The following PPP1R9B variants were observed in gnomAD, a reference collection of about 807,000 sequenced individuals.
PPP1R9B encodes neurabin-2.
Under a neutral mutation model 75.8 loss-of-function variants are expected in PPP1R9B, and 17 were observed. The ratio of observed to expected loss-of-function variants is 0.22; its 90% CI spans 0.15 to 0.34. PPP1R9B has a LOEUF of 0.34. Among genes scored for constraint, PPP1R9B ranks in the 10% least tolerant of loss-of-function variants. The pLI is 1.00. For synonymous variants in PPP1R9B, 509 were observed against 535.4 expected (o/e 0.95, Z 0.68); for missense variants, 875 against 1,196.0 (o/e 0.73, Z 3.96).
Position 50,149,573 on chromosome 17 carries a change from G to A in PPP1R9B, c.941C>T (p.Ala314Val). The change falls in exon 1 of 10, where the codon GCG becomes GTG. Residue 314 changes from alanine to valine, a missense_variant. Around this residue, in one of 4 missense-constraint regions of PPP1R9B, gnomAD observed 449 missense variants for 475.0 expected, o/e 0.95. Transcript: ENST00000612501. This position sits in a 1 kb window ranked among gnomAD's most constrained non-coding sequence, Gnocchi z 7.2. Reference protein sequence around the residue: ...EESGESEAESAPGEVIQAEVT... With the variant: ...EESGESEAESVPGEVIQAEVT... ...CTCGGCCTGGATCACCTCCCCGGGC[G>A]CCGACTCGGCCTCCGACTCCCCGCT... The A allele has an allele frequency of 3.8e-6, 6 of 1,577,962 alleles. No individual in the cohort carries two copies. Among genetic ancestry groups the A allele is most frequent in the East Asian group, 2.4e-5 (1 of 42,482 alleles).
At position 50,147,879 on chromosome 17, in the gene PPP1R9B, G is replaced by A. The variant is rs1032375585; in HGVS notation, c.1371+1264C>T. Among the ~76,000 whole-genome samples the A allele has an allele frequency of 7.7e-4, 118 of 152,270 alleles. 1 individual carries two copies. The highest frequency in any genetic ancestry group is 3.7e-4 in the Non-Finnish European group (25 of 68,016). The stretch of plus-strand genomic sequence containing the variant: ...AGGGGCAGAGGCTGACATTCTGGGC[G>A]AGTGAGAGGAAAGTTGGGAAGCTTC... On this transcript the variant is annotated intron_variant, in intron 1 of 9. Coordinates refer to ENST00000612501, the MANE Select transcript of PPP1R9B (RefSeq NM_032595.5).
Position 50,135,072 on chromosome 17 carries a change from C to T in PPP1R9B, c.*259G>A. On this transcript the variant is annotated 3_prime_UTR_variant, in exon 10 of 10. Coordinates refer to ENST00000612501, the MANE Select transcript of PPP1R9B (RefSeq NM_032595.5). Reference sequence around the variant, plus strand: ...CGACCACCAGGCCAGCCCTCGGCAGCCCTCGGCCTCTGTGCCTCAGCCCCA... The same window carrying T: ...CGACCACCAGGCCAGCCCTCGGCAGTCCTCGGCCTCTGTGCCTCAGCCCCA... 1.8e-6 allele frequency: 1 copy of T among 554,752 alleles called. No individual in the cohort carries two copies. Among genetic ancestry groups the T allele is most frequent in the South Asian group, 2.1e-5 (1 of 47,102 alleles). 34.4% of individuals were successfully genotyped at this position (554,752 alleles called of 1,614,324 possible).
chr17:50,135,723 C>T (rs1483794034), intron 8 of PPP1R9B, 74 bp from the exon 9 acceptor site: 2 of 1,317,628 alleles, frequency 1.5e-6, no homozygotes, highest in African/African-American at 2.9e-5. Flanking sequence ...CCCAGGTCCT[C>T]AGCTTTACCT....
At position 50,149,595 on chromosome 17, in the gene PPP1R9B, C is replaced by T; in HGVS notation, c.919G>A (p.Gly307Arg). 1.3e-6 allele frequency: 2 copies of T among 1,567,904 alleles called. No individual in the cohort carries two copies. The highest frequency in any genetic ancestry group is 1.7e-6 in the Non-Finnish European group (2 of 1,161,866). ...GGCGCCGACTCGGCCTCCGACTCCC[C>T]GCTCTCCTCCACCTCCACCGGCTTA... ...KIKPVEVEES[G>R]ESEAESAPGE... Residue 307 changes from glycine (G) to arginine (R), a missense_variant, in exon 1 of 10, where the codon GGG becomes AGG. Transcript: ENST00000612501. This position sits in a 1 kb window ranked among gnomAD's most constrained non-coding sequence, Gnocchi z 7.2.
chr17:50,140,284 T>C (rs1381085808), intron 4 of PPP1R9B, 56 bp from the exon 5 acceptor site: 3 of 1,541,668 alleles, frequency 1.9e-6, no homozygotes, highest in Non-Finnish European at 1.8e-6. Context: ...TAATGCATCA[T>C]CCTCCCTGCT....
chr17:50,149,435 G>T lies in PPP1R9B; in HGVS notation c.1079C>A (p.Ala360Glu), dbSNP rs1164668262. The change falls in exon 1 of 10, where the codon GCG becomes GAG. Residue 360 changes from alanine (A) to glutamate (E), a missense_variant. Physicochemically the swap from Ala to Glu is moderately radical, Grantham distance 107 (BLOSUM62 -1). Transcript: ENST00000612501. This position sits in a 1 kb window ranked among gnomAD's most constrained non-coding sequence, Gnocchi z 7.2. ...ATTGCCCACCCCCCTCTCTGGCGGC[G>T]CTACCGCCGCCGCCTCCTTCTCCGG... ...AAPEKEAAAV[A>E]PPERGVGNGR... is the part of the protein sequence containing the mutation. The T allele has an allele frequency of 2.5e-6, 4 of 1,606,546 alleles. No individual in the cohort carries two copies. The highest frequency in any genetic ancestry group is 2.5e-6 in the Non-Finnish European group (3 of 1,177,498).
Position 50,145,216 on chromosome 17 carries a change from G to A in PPP1R9B, c.1401C>T (p.Tyr467=), listed in dbSNP as rs986771916. The A allele has an allele frequency of 2.1e-5, 34 of 1,613,776 alleles. No homozygotes were observed. Among genetic ancestry groups the A allele is most frequent in the African/African-American group, 5.3e-5 (4 of 74,940 alleles). Residue 467 remains tyrosine (Y), a synonymous_variant, in exon 2 of 10, where the codon TAC becomes TAT. Coordinates refer to ENST00000612501, the MANE Select transcript of PPP1R9B (RefSeq NM_032595.5). Reference sequence around the variant, plus strand: ...GATCCACATCCTCGTTGCGACGATCGTAATCCTCGTTGGAGTAAGTGCTGA... The same window carrying A: ...GATCCACATCCTCGTTGCGACGATCATAATCCTCGTTGGAGTAAGTGCTGA... ...QVFSTYSNED[Y]DRRNEDVDPM... is the part of the protein sequence containing the mutation.
At position 50,139,341 on chromosome 17, in the gene PPP1R9B, C is replaced by T; in HGVS notation, c.2020-25G>A. ...GCTGTTGGGCAGAGGGGCAGGCACT[C>T]AGCTCCAGCAGGGTGGGGCAGGCAG... On this transcript the variant is annotated intron_variant, in intron 6 of 9. Transcript: ENST00000612501. The surrounding 1 kb of genome is among the most constrained non-coding windows in gnomAD (Gnocchi z 5.0). 4 of 1,614,014 alleles carry T rather than the reference C, an allele frequency of 2.5e-6. No individual in the cohort carries two copies. Among genetic ancestry groups the T allele is most frequent in the Non-Finnish European group, 3.4e-6 (4 of 1,179,890 alleles).
At position 50,139,208 on chromosome 17, in the gene PPP1R9B, T is replaced by C; in HGVS notation, c.2073+55A>G. The C allele has an allele frequency of 6.3e-7, 1 of 1,598,416 alleles. No homozygotes were observed. The highest frequency in any genetic ancestry group is 2.2e-5 in the East Asian group (1 of 44,802). On this transcript the variant is annotated intron_variant, in intron 7 of 9. Transcript: ENST00000612501. The surrounding 1 kb of genome is among the most constrained non-coding windows in gnomAD (Gnocchi z 5.0). Reference sequence around the variant, plus strand: ...TGCAGGTGTGAGGGTAGGGGGACCCTGCTCCTCAACACACACATGCACGCA... The same window carrying C: ...TGCAGGTGTGAGGGTAGGGGGACCCCGCTCCTCAACACACACATGCACGCA...
In PPP1R9B at chr17:50,134,148, G is replaced by C. The variant is rs890199384; in HGVS notation, c.*1183C>G. On this transcript the variant is annotated 3_prime_UTR_variant, in exon 10 of 10. Coordinates refer to ENST00000612501, the MANE Select transcript of PPP1R9B (RefSeq NM_032595.5). ...TGGCAAAATGAGATGGATTTTGAAA[G>C]GGGAGGGGACCTGGGGGAGGTGGTC... is the stretch of plus-strand genomic sequence containing the variant. The C allele has an allele frequency of 1.3e-5, 2 of 152,600 alleles. No homozygotes were observed. Among genetic ancestry groups the C allele is most frequent in the Non-Finnish European group, 2.9e-5 (2 of 68,028 alleles). 9.5% of individuals were successfully genotyped at this position (152,600 alleles called of 1,614,324 possible). A position where few individuals can be genotyped will look rare whatever the true frequency, so the allele number is the denominator to read the frequency against.
intron 2 of PPP1R9B, 43 bp downstream of exon 2, chr17:50,145,070 A>C: frequency 6.2e-7 from 1 of 1,606,802 alleles, no homozygotes; most frequent in Non-Finnish European, 8.5e-7. Context: ...GACCCGGGTC[A>C]ACCCCAGCTG....
In PPP1R9B at chr17:50,139,044, TGAG is replaced by T. The variant is rs1912301731; in HGVS notation, c.2073+216_2073+218del. ...TGCTATTACGACCTCATTTTATAGA[TGAG>T]GAGGCTGAGGCACAGAGAAGCAAGT... On this transcript the variant is annotated intron_variant, in intron 7 of 9. Coordinates refer to ENST00000612501, the MANE Select transcript of PPP1R9B (RefSeq NM_032595.5). The surrounding 1 kb of genome is among the most constrained non-coding windows in gnomAD (Gnocchi z 5.0). 1.3e-5 allele frequency among the ~76,000 whole-genome samples: 2 copies of T among 152,236 alleles called. No individual in the cohort carries two copies. The highest frequency in any genetic ancestry group is 1.3e-4 in the Admixed American group (2 of 15,286).
Position 50,149,526 on chromosome 17 carries a change from C to A in PPP1R9B, c.988G>T (p.Glu330Ter). ...GCAGTTGCCACGGTGCTGCCATTCT[C>A]CAGGGCCGCGTGGACCGTAACCTCG... Reference protein sequence around the residue: ...QAEVTVHAALENGSTVATAAS... With the variant: ...QAEVTVHAAL The change falls in exon 1 of 10, where the codon GAG becomes TAG. Residue 330 changes from glutamate to a stop codon, truncating the protein, a stop_gained. Coordinates refer to ENST00000612501, the MANE Select transcript of PPP1R9B (RefSeq NM_032595.5). LOFTEE classifies it high-confidence loss of function. The surrounding 1 kb of genome is among the most constrained non-coding windows in gnomAD (Gnocchi z 7.2). The A allele has an allele frequency of 6.3e-7, 1 of 1,593,172 alleles. No homozygotes were observed. Among genetic ancestry groups the A allele is most frequent in the East Asian group, 2.3e-5 (1 of 43,474 alleles).
In PPP1R9B at chr17:50,142,221, C is replaced by A. The variant is rs1224338554; in HGVS notation, c.1626-848G>T. Among the ~76,000 whole-genome samples the A allele has an allele frequency of 6.6e-6, 1 of 152,070 alleles. No individual in the cohort carries two copies. Among genetic ancestry groups the A allele is most frequent in the Non-Finnish European group, 1.5e-5 (1 of 67,992 alleles). On this transcript the variant is annotated intron_variant, in intron 3 of 9. Coordinates refer to ENST00000612501, the MANE Select transcript of PPP1R9B (RefSeq NM_032595.5). This position sits in a 1 kb window ranked among gnomAD's most constrained non-coding sequence, Gnocchi z 4.1. Reference sequence around the variant, plus strand: ...GCTGAGGGAGATGGAGGGTGGGGGGCCTCTCAGACACCTCCCTCCTCCACT... The same window carrying A: ...GCTGAGGGAGATGGAGGGTGGGGGGACTCTCAGACACCTCCCTCCTCCACT...
rs1912302590 is a variant in PPP1R9B at position 50,139,108 on chromosome 17, T to C, written c.2073+155A>G. On this transcript the variant is annotated intron_variant, in intron 7 of 9. Coordinates refer to ENST00000612501, the MANE Select transcript of PPP1R9B (RefSeq NM_032595.5). This position sits in a 1 kb window ranked among gnomAD's most constrained non-coding sequence, Gnocchi z 5.0. ...CAGATGGATCCAGAGCTTAAGCTCT[T>C]AATATCGTATCTATCATATCATCTT... is the stretch of plus-strand genomic sequence containing the variant. Among the ~76,000 whole-genome samples the C allele has an allele frequency of 6.6e-6, 1 of 152,234 alleles. No homozygotes were observed. Among genetic ancestry groups the C allele is most frequent in the Non-Finnish European group, 1.5e-5 (1 of 68,046 alleles).
chr17:50,139,149 G>A lies in PPP1R9B; in HGVS notation c.2073+114C>T. The A allele has an allele frequency of 1.7e-6, 2 of 1,183,656 alleles. No individual in the cohort carries two copies. Among genetic ancestry groups the A allele is most frequent in the East Asian group, 4.7e-5 (2 of 42,800 alleles). The allele number at this position is 1,183,656 out of a possible 1,614,324, so 73.3% of individuals were successfully genotyped here. On this transcript the variant is annotated intron_variant, in intron 7 of 9. Coordinates refer to ENST00000612501, the MANE Select transcript of PPP1R9B (RefSeq NM_032595.5). This position sits in a 1 kb window ranked among gnomAD's most constrained non-coding sequence, Gnocchi z 5.0. The stretch of plus-strand genomic sequence containing the variant: ...ATATCATCTTGCTTTAGAGCAGCTT[G>A]TTCTGTGGGTACCTGTGCCTAAGTG...
At chr17:50,140,021 G>T in intron 5 of PPP1R9B, 72 bp downstream of exon 5, 1 of 1,536,092 alleles carries the variant, frequency 6.5e-7, no homozygotes, top group Non-Finnish European at 8.8e-7. Context: ...AAGCAGTAGA[G>T]GCAGATGACT....
At chr17:50,145,346 T>A (rs1912487426) in intron 1 of PPP1R9B, 101 bp from the exon 2 acceptor site, 2 of 1,453,356 alleles carry the variant, frequency 1.4e-6, no homozygotes, top group African/African-American at 2.8e-5. Flanking sequence ...ACCCCATGCC[T>A]CCCCATGATA....
chr17:50,135,911 C>A, intron 8 of PPP1R9B, 57 bp downstream of exon 8: 1 of 1,340,420 alleles, frequency 7.5e-7, no homozygotes, highest in South Asian at 1.4e-5. Flanking sequence ...GAGGGACTGT[C>A]CCCAAAAGCC....
Sources: gnomAD v4.1 joint callset for allele counts (sites outside exome capture counted in the v4.1 genomes callset) on GRCh38, gnomAD v4.1.1 for gene constraint, gnomAD v4.1.1 regional missense constraint, Gnocchi (gnomAD v3.1) non-coding constraint, MANE v1.5 for transcripts, NCBI Gene and HGNC (gene_info 2026-07-23, HGNC 2026-07-21) for gene names.